The following OAT variants were observed in gnomAD, a reference collection of about 807,000 sequenced individuals.
OAT encodes ornithine aminotransferase.
Under a neutral mutation model 48.4 loss-of-function variants are expected in OAT, and 35 were observed. The observed-to-expected ratio is 0.72, with a 90% CI of 0.55 to 0.96. The LOEUF (loss-of-function observed/expected upper bound fraction) is 0.96. OAT is among the 40% of genes least tolerant of loss of function. The pLI is 0.00. For missense variants in OAT, 438 were observed against 537.9 expected, an observed-to-expected ratio of 0.81 and a Z score of 1.84; for synonymous variants, 182 against 198.4, an observed-to-expected ratio of 0.92 and a Z score of 0.70.
intron 6 of OAT, chr10:124,403,347 G>T: frequency 4.0e-6 from 2 of 504,136 alleles, no homozygotes; most frequent in Non-Finnish European, 7.1e-6. Flanking sequence ...TGGCTTTTCT[G>T]GACCTAACTA....
At chr10:124,406,775 C>A (rs1951590450) in intron 4 of OAT, among the ~76,000 whole-genome samples, 1 of 129,178 alleles carries the variant, frequency 7.7e-6, no homozygotes, top group Non-Finnish European at 1.6e-5. Flanking sequence ...AGACTGCAGA[C>A]TAGGTGACAA....
chr10:124,402,602 T>G (rs539211504), intron 7 of OAT, among the ~76,000 whole-genome samples: 2 of 152,204 alleles, frequency 1.3e-5, no homozygotes, highest in Admixed American at 6.5e-5. Flanking sequence ...AGTCATGGTT[T>G]TAAACAATTA....
chr10:124,398,783 G>A (rs914094560), intron 9 of OAT, among the ~76,000 whole-genome samples: 2 of 151,932 alleles, frequency 1.3e-5, no homozygotes, highest in Non-Finnish European at 2.9e-5. Context: ...TTGGGAGGCC[G>A]AGGTGGGCAG....
At chr10:124,412,890 A>G (rs1951801964) in intron 1 of OAT, among the ~76,000 whole-genome samples, 1 of 152,198 alleles carries the variant, frequency 6.6e-6, no homozygotes, top group Non-Finnish European at 1.5e-5. Context: ...AGCACCTACC[A>G]CAGTCCGATA....
intron 5 of OAT, 46 bp downstream of exon 5, chr10:124,405,390 A>G: frequency 6.2e-7 from 1 of 1,610,546 alleles, no homozygotes; most frequent in South Asian, 1.1e-5. Context: ...CAACAGCTTT[A>G]ATTTCTATTC....
At position 124,399,463 on chromosome 10, in the gene OAT, A is replaced by G. The variant is rs966947136; in HGVS notation, c.1160-1361T>C. On this transcript the variant is annotated intron_variant, in intron 9 of 9. Coordinates refer to ENST00000368845, the MANE Select transcript of OAT (RefSeq NM_000274.4). ...CAGGTTCAAGCGATTCTCCTGCCTC[A>G]GCCTCCTGAGTAGCTGGGACTACAG... is the stretch of plus-strand genomic sequence containing the variant. Among the ~76,000 whole-genome samples the G allele has an allele frequency of 6.1e-5, 9 of 148,206 alleles. No homozygotes were observed. The South Asian group carries it at 1.9e-3, about 32-fold the overall frequency.
chr10:124,401,612 T>A lies in OAT; in HGVS notation c.1014+114A>T. 3 of 756,004 alleles carry A rather than the reference T, an allele frequency of 4.0e-6. No homozygotes were observed. The South Asian group carries it at 4.4e-5, about 11-fold the overall frequency. 46.8% of individuals were successfully genotyped at this position (756,004 alleles called of 1,614,324 possible). ...AAAATTTTTCCTCTATACTTCATGT[T>A]TTCTAATATTTGGCATTCTTATTGA... On this transcript the variant is annotated intron_variant, in intron 8 of 9. Transcript: ENST00000368845.
rs568072378 is a variant in OAT, at chr10:124,400,750, G to A, written c.1159+90C>T. 6.7e-5 allele frequency: 75 copies of A among 1,120,742 alleles called. No individual in the cohort carries two copies. The East Asian group carries it at 9.7e-4, about 15-fold the overall frequency. 69.4% of individuals were successfully genotyped at this position (1,120,742 alleles called of 1,614,324 possible). ...AGGAGACAGAGCAAGACTCCGTCTC[G>A]AAAAATAAATAAATTAATTAAATTA... On this transcript the variant is annotated intron_variant, in intron 9 of 9. Coordinates refer to ENST00000368845, the MANE Select transcript of OAT (RefSeq NM_000274.4).
rs765113522 is a variant in OAT at position 124,403,846 on chromosome 10, C to T, written c.723G>A (p.Pro241=). 11 of 1,613,960 alleles carry T rather than the reference C, an allele frequency of 6.8e-6. No homozygotes were observed. Among genetic ancestry groups the T allele is most frequent in the South Asian group, 3.3e-5 (3 of 91,082 alleles). The change falls in exon 6 of 10, where the codon CCG becomes CCA. Residue 241 remains proline, a synonymous_variant. Coordinates refer to ENST00000368845, the MANE Select transcript of OAT (RefSeq NM_000274.4). Reference sequence around the variant, plus strand: ...GCACTCCCATTAGGTAACCTGGATCCGGAACAACAACGCCTGCTTCACCCT... The same window carrying T: ...GCACTCCCATTAGGTAACCTGGATCTGGAACAACAACGCCTGCTTCACCCT... The part of the protein sequence containing the change: ...PIQGEAGVVV[P]DPGYLMGVRE...
At position 124,408,766 on chromosome 10, in the gene OAT, G is replaced by A; in HGVS notation, c.399C>T (p.Tyr133=). The change falls in exon 3 of 10, where the codon TAC becomes TAT. Residue 133 remains tyrosine, a synonymous_variant. Transcript: ENST00000368845. ...CTGTATTCATAGGAAGAACTTTGTG[G>A]TAGTTGAAAAGTTTAGTAATATACT... is the stretch of plus-strand genomic sequence containing the variant. ...YEEYITKLFN[Y]HKVLPMNTGV... The A allele has an allele frequency of 1.2e-6, 2 of 1,609,792 alleles. No individual in the cohort carries two copies. The highest frequency in any genetic ancestry group is 1.7e-6 in the Non-Finnish European group (2 of 1,177,148).
intron 1 of OAT, chr10:124,414,467 A>G (rs555492941): frequency 2.3e-4 from 35 of 152,296 alleles, no homozygotes; most frequent in African/African-American, 8.4e-4. Context: ...GCAGACGTAT[A>G]TTTTTCCAAG....
intron 1 of OAT, chr10:124,414,209 C>T (rs1292782911): frequency 3.3e-5 from 5 of 152,184 alleles, no homozygotes; most frequent in Admixed American, 3.3e-4. Flanking sequence ...TTGATTCGAG[C>T]TGCCAAATTA....
intron 6 of OAT, chr10:124,403,454 C>T: frequency 2.4e-6 from 1 of 415,112 alleles, no homozygotes; most frequent in Non-Finnish European, 4.5e-6. Flanking sequence ...ACTATTAGCC[C>T]TGGGGGAAAG....
intron 8 of OAT, 68 bp from the exon 9 acceptor site, chr10:124,401,052 G>A (rs1237677596): frequency 2.7e-6 from 3 of 1,115,804 alleles, no homozygotes; most frequent in Non-Finnish European, 4.0e-6. Flanking sequence ...GGACAACGGG[G>A]ACTGTAAACA....
In OAT at chr10:124,399,034, AAAAAT is replaced by A. The variant is rs535224007; in HGVS notation, c.1160-937_1160-933del. 7.5e-3 allele frequency among the ~76,000 whole-genome samples: 1,140 copies of A among 152,172 alleles called. 4 individuals are homozygous for A. The highest frequency in any genetic ancestry group is 0.013 in the Non-Finnish European group (914 of 68,024). On this transcript the variant is annotated intron_variant, in intron 9 of 9. Coordinates refer to ENST00000368845, the MANE Select transcript of OAT (RefSeq NM_000274.4). ...CCCAACAGAGCAAGGCACTGTCTCA[AAAAAT>A]AAAATAAATAAAATAAATAAAATTC...
chr10:124,405,637 C>G, intron 4 of OAT, 74 bp from the exon 5 acceptor site: 1 of 1,592,156 alleles, frequency 6.3e-7, no homozygotes. Flanking sequence ...CGCAAAACAC[C>G]ACAAGAAGTT....
At chr10:124,412,940 G>A (rs1310965346) in intron 1 of OAT, among the ~76,000 whole-genome samples, 1 of 152,130 alleles carries the variant, frequency 6.6e-6, no homozygotes, top group African/African-American at 2.4e-5. Flanking sequence ...CAACTGTAGG[G>A]CAGAGACCAG....
chr10:124,407,585 C>T (rs887997887), intron 4 of OAT: 6 of 258,518 alleles, frequency 2.3e-5, no homozygotes, highest in African/African-American at 4.6e-5. Flanking sequence ...CTCTGGCCTT[C>T]GGTTGAACTC....
At chr10:124,408,339 ATATATTTTTTTT>A (rs1951654503) in intron 4 of OAT, among the ~76,000 whole-genome samples, 191 bp downstream of exon 4, 8 of 101,864 alleles carry the variant, frequency 7.9e-5, no homozygotes, top group Non-Finnish European at 1.4e-4. Context: ...ATATATATAT[ATATATTTTTTTT>A]TTTTTTTTTT....
Sources: gnomAD v4.1 joint callset for allele counts (sites outside exome capture counted in the v4.1 genomes callset) on GRCh38, gnomAD v4.1.1 for gene constraint, MANE v1.5 for transcripts, NCBI Gene and HGNC (gene_info 2026-07-23, HGNC 2026-07-21) for gene names.